IGF1R: variants seen among roughly 807,000 people sequenced by gnomAD.
The protein encoded by IGF1R is insulin like growth factor 1 receptor.
In IGF1R, 44 loss-of-function variants were observed where a neutral mutation model predicts 144.6. The observed-to-expected ratio is 0.30, with a 90% CI of 0.24 to 0.39. IGF1R has a LOEUF of 0.39. Ranked by LOEUF, IGF1R falls within the 10% of genes least tolerant of loss-of-function variation. IGF1R has a pLI of 1.00. For missense variants in IGF1R, 1,355 were observed against 1,833.7 expected, an observed-to-expected ratio of 0.74 and a Z score of 4.77; for synonymous variants, 795 against 722.8, an observed-to-expected ratio of 1.10 and a Z score of -1.60.
chr15:98,788,730 T>C (rs1291285630), intron 2 of IGF1R, among the ~76,000 whole-genome samples: 1 of 152,238 alleles, frequency 6.6e-6, no homozygotes, highest in African/African-American at 2.4e-5. Flanking sequence ...ATCCCTGTTC[T>C]GGCCGGTGAT....
At chr15:98,756,684 TATTAAGTTGAATGCCTGTCTC>T (rs2055164483) in intron 2 of IGF1R, among the ~76,000 whole-genome samples, 1 of 152,214 alleles carries the variant, frequency 6.6e-6, no homozygotes, top group Non-Finnish European at 1.5e-5. Flanking sequence ...CCTTTAAGTT[TATTAAGTTGAATGCCTGTCTC>T]ATTTGCTTTT....
chr15:98,872,902 G>T (rs976371533), intron 2 of IGF1R, among the ~76,000 whole-genome samples: 1 of 151,580 alleles, frequency 6.6e-6, no homozygotes, highest in African/African-American at 2.4e-5. Context: ...ATGCAGCCAG[G>T]CTGGCATATA....
At chr15:98,677,639 C>G (rs1055185031) in intron 1 of IGF1R, among the ~76,000 whole-genome samples, 1 of 152,212 alleles carries the variant, frequency 6.6e-6, no homozygotes, top group East Asian at 1.9e-4. Context: ...TTTGTTCATC[C>G]TTAGCCTGTG....
At chr15:98,806,807 G>A (rs1361639795) in intron 2 of IGF1R, among the ~76,000 whole-genome samples, 2 of 152,102 alleles carry the variant, frequency 1.3e-5, no homozygotes, top group East Asian at 3.9e-4. Flanking sequence ...ATAAAACATT[G>A]ATGTGAGAGC....
intron 2 of IGF1R, among the ~76,000 whole-genome samples, chr15:98,868,354 G>C (rs1213368290): frequency 1.4e-5 from 1 of 71,748 alleles, no homozygotes; most frequent in South Asian, 5.9e-4. Flanking sequence ...AGCCAAATCT[G>C]TTGGGTTTTT....
chr15:98,894,099 G>T (rs535789929), intron 3 of IGF1R, among the ~76,000 whole-genome samples: 7 of 150,974 alleles, frequency 4.6e-5, no homozygotes, highest in Admixed American at 4.6e-4. Context: ...CTCTTTGATA[G>T]ACTCTGGCTG....
chr15:98,876,187 C>A (rs769446204), intron 2 of IGF1R, among the ~76,000 whole-genome samples: 31 of 152,116 alleles, frequency 2.0e-4, no homozygotes, highest in Non-Finnish European at 2.9e-4. Context: ...TGCTGGAAGG[C>A]CATCTCCATT....
At chr15:98,781,482 G>A (rs1020790299) in intron 2 of IGF1R, among the ~76,000 whole-genome samples, 8 of 152,300 alleles carry the variant, frequency 5.3e-5, no homozygotes, top group African/African-American at 1.7e-4. Flanking sequence ...CCCATAGCTG[G>A]TGAAGACTCT....
At chr15:98,841,160 A>T (rs573498947) in intron 2 of IGF1R, among the ~76,000 whole-genome samples, 1 of 152,350 alleles carries the variant, frequency 6.6e-6, no homozygotes, top group African/African-American at 2.4e-5. Context: ...GGGTACGAAG[A>T]AAAAAGAAAA....
Position 98,957,567 on chromosome 15 carries a change from C to G in IGF1R, c.*125C>G. ...ACCTCAGTGGATCTTCAGAACTGCC[C>G]TTGCTGCCCGCGGGAGACAGCTTCT... On this transcript the variant is annotated 3_prime_UTR_variant, in exon 21 of 21. Transcript: ENST00000650285. 1.6e-6 allele frequency: 2 copies of G among 1,238,836 alleles called. No homozygotes were observed. The highest frequency in any genetic ancestry group is 2.3e-6 in the Non-Finnish European group (2 of 862,200). 76.7% of individuals were successfully genotyped at this position (1,238,836 alleles called of 1,614,324 possible).
chr15:98,738,554 C>T (rs1447392952), intron 2 of IGF1R, among the ~76,000 whole-genome samples: 2 of 152,158 alleles, frequency 1.3e-5, no homozygotes, highest in Non-Finnish European at 2.9e-5. Flanking sequence ...ATAAAATTAT[C>T]CCACAGGATT....
At chr15:98,785,836 A>C (rs2055980098) in intron 2 of IGF1R, among the ~76,000 whole-genome samples, 1 of 152,170 alleles carries the variant, frequency 6.6e-6, no homozygotes, top group African/African-American at 2.4e-5. Context: ...GCCCCAATAA[A>C]GCATCTGTAT....
chr15:98,894,844 A>T (rs2014100173), intron 3 of IGF1R, among the ~76,000 whole-genome samples: 1 of 152,042 alleles, frequency 6.6e-6, no homozygotes, highest in South Asian at 2.1e-4. Context: ...AACATGGTGA[A>T]ACCCCATCTC....
chr15:98,926,831 T>C (rs2015740171), intron 13 of IGF1R, among the ~76,000 whole-genome samples: 1 of 152,206 alleles, frequency 6.6e-6, no homozygotes, highest in Non-Finnish European at 1.5e-5. Context: ...TTCCATCTAG[T>C]CCAGTTAACC....
chr15:98,848,309 C>G (rs2011413246), intron 2 of IGF1R, among the ~76,000 whole-genome samples: 1 of 152,196 alleles, frequency 6.6e-6, no homozygotes, highest in African/African-American at 2.4e-5. Flanking sequence ...TTGCAGTGAT[C>G]ACAACTTATG....
intron 15 of IGF1R, among the ~76,000 whole-genome samples, chr15:98,931,307 G>A (rs540743348): frequency 6.6e-6 from 1 of 152,300 alleles, no homozygotes; most frequent in South Asian, 2.1e-4. Context: ...CTGTCTTCTT[G>A]CCTCGGGAGA....
At chr15:98,807,105 C>T (rs907803) in intron 2 of IGF1R, among the ~76,000 whole-genome samples, 133,685 of 152,274 alleles carry the variant, frequency 0.88, 60,042 homozygotes, top group Non-Finnish European at 0.97. Context: ...CTTCAGCTCA[C>T]GCCCTGTACC....
At chr15:98,804,610 G>A (rs2056433000) in intron 2 of IGF1R, among the ~76,000 whole-genome samples, 1 of 152,188 alleles carries the variant, frequency 6.6e-6, no homozygotes, top group Non-Finnish European at 1.5e-5. Context: ...GATTGTGAAT[G>A]CGATTGTGAC....
intron 2 of IGF1R, 44 bp downstream of exon 2, chr15:98,708,151 T>C (rs1320879673): frequency 6.7e-7 from 1 of 1,501,746 alleles, no homozygotes; most frequent in Non-Finnish European, 9.2e-7. Flanking sequence ...CCTCTCTCTC[T>C]CCTCTCCTCC....
Sources: allele counts gnomAD v4.1 joint callset (sites outside exome capture counted in the v4.1 genomes callset), GRCh38; gene constraint gnomAD v4.1.1; transcripts MANE v1.5; gene names NCBI Gene and HGNC (gene_info 2026-07-23, HGNC 2026-07-21).